MOCOS: variants seen among roughly 807,000 people sequenced by gnomAD.
MOCOS encodes molybdenum cofactor sulfurase.
A neutral mutation model predicts 83.6 loss-of-function variants in MOCOS; 86 were observed. The observed-to-expected ratio is 1.03, with a 90% CI of 0.86 to 1.23. The LOEUF (loss-of-function observed/expected upper bound fraction) is 1.23. Among genes scored for constraint, MOCOS ranks in the 50% most tolerant of loss-of-function variants. The probability of loss-of-function intolerance (pLI) is 0.00; values close to 1 mark genes in which losing one functional copy is unlikely to be tolerated. For synonymous variants in MOCOS, 445 were observed against 434.7 expected (o/e 1.02, Z -0.29); for missense variants, 1,120 against 1,126.9 (o/e 0.99, Z 0.09).
intron 10 of MOCOS, 150 bp from the exon 11 acceptor site, chr18:36,251,009 C>T: frequency 1.0e-6 from 1 of 967,710 alleles, no homozygotes; most frequent in Non-Finnish European, 1.5e-6. Context: ...CCTTGGAAAT[C>T]TCCTTGCAGC....
chr18:36,209,708 A>T (rs1263087764), intron 6 of MOCOS, among the ~76,000 whole-genome samples: 1 of 152,172 alleles, frequency 6.6e-6, no homozygotes, highest in Admixed American at 6.5e-5. Flanking sequence ...CATGTTGTGT[A>T]TATACCACAT....
Position 36,269,100 on chromosome 18 carries a change from T to G in MOCOS, c.*415T>G. 1 of 217,834 alleles carries G rather than the reference T, an allele frequency of 4.6e-6. No individual in the cohort carries two copies. Among genetic ancestry groups the G allele is most frequent in the South Asian group, 6.8e-5 (1 of 14,620 alleles). The allele number at this position is 217,834 out of a possible 1,614,324, so 13.5% of individuals were successfully genotyped here. On this transcript the variant is annotated 3_prime_UTR_variant, in exon 15 of 15. Coordinates refer to ENST00000261326, the MANE Select transcript of MOCOS (RefSeq NM_017947.4). ...AACCCGTTTGTAGTGAGGAAGGGAG[T>G]CTATGCCCAGTGATCCTGGGTATGA...
At chr18:36,248,417 C>T (rs530834869) in intron 9 of MOCOS, among the ~76,000 whole-genome samples, 2 of 152,138 alleles carry the variant, frequency 1.3e-5, no homozygotes, top group East Asian at 1.9e-4. Context: ...TGTTGTTTCC[C>T]TTGTTGTGCA....
intron 13 of MOCOS, among the ~76,000 whole-genome samples, chr18:36,263,808 A>T (rs1473341860): frequency 6.6e-6 from 1 of 152,202 alleles, no homozygotes; most frequent in East Asian, 1.9e-4. Context: ...AACACATTTT[A>T]AAAATACTAG....
chr18:36,241,528 G>T (rs1189734442), intron 9 of MOCOS, among the ~76,000 whole-genome samples: 1 of 152,198 alleles, frequency 6.6e-6, no homozygotes, highest in Non-Finnish European at 1.5e-5. Flanking sequence ...GAGTGATGGG[G>T]CTTTTCCAGG....
At chr18:36,268,511 G>A (rs1375710790) in intron 14 of MOCOS, 22 bp from the exon 15 acceptor site, 2 of 1,611,488 alleles carry the variant, frequency 1.2e-6, no homozygotes, top group Non-Finnish European at 8.5e-7. Context: ...CTTTTTTGTT[G>A]TTGTTGCTGT....
At chr18:36,233,384 T>C (rs991745215) in intron 9 of MOCOS, among the ~76,000 whole-genome samples, 2 of 152,228 alleles carry the variant, frequency 1.3e-5, no homozygotes, top group African/African-American at 2.4e-5. Flanking sequence ...TAGTATTCCA[T>C]GGTGTTTGTG....
At chr18:36,250,423 G>A (rs963565759) in intron 10 of MOCOS, among the ~76,000 whole-genome samples, 1 of 152,174 alleles carries the variant, frequency 6.6e-6, no homozygotes, top group African/African-American at 2.4e-5. Context: ...CTGGGTGATA[G>A]GCAGAGGATC....
chr18:36,202,004 T>C (rs2091416770), intron 4 of MOCOS, among the ~76,000 whole-genome samples: 1 of 152,108 alleles, frequency 6.6e-6, no homozygotes, highest in Non-Finnish European at 1.5e-5. Context: ...AGGGCATGAA[T>C]GGGCTGGGGG....
intron 9 of MOCOS, among the ~76,000 whole-genome samples, chr18:36,235,594 G>A (rs1429628468): frequency 1.5e-4 from 21 of 139,612 alleles, no homozygotes; most frequent in South Asian, 2.4e-4. Flanking sequence ...ATAAACATAC[G>A]TGTGCATGTG....
At chr18:36,257,797 A>G (rs778741765) in intron 12 of MOCOS, among the ~76,000 whole-genome samples, 2 of 152,228 alleles carry the variant, frequency 1.3e-5, no homozygotes, top group Non-Finnish European at 2.9e-5. Context: ...CACCCCTAAC[A>G]GCACTGTGAA....
chr18:36,252,260 C>T (rs1322164986), intron 11 of MOCOS, among the ~76,000 whole-genome samples: 1 of 152,088 alleles, frequency 6.6e-6, no homozygotes, highest in Non-Finnish European at 1.5e-5. Context: ...GTAGCTCACA[C>T]CTGTAATCCC....
intron 13 of MOCOS, among the ~76,000 whole-genome samples, chr18:36,264,874 CA>C (rs1480872242): frequency 6.6e-6 from 1 of 151,854 alleles, no homozygotes; most frequent in Non-Finnish European, 1.5e-5. Context: ...CAATTAAAAA[CA>C]AAAACAAAAT....
intron 14 of MOCOS, among the ~76,000 whole-genome samples, chr18:36,267,571 A>G (rs1160591950): frequency 6.6e-6 from 1 of 152,208 alleles, no homozygotes; most frequent in Non-Finnish European, 1.5e-5. Context: ...GTTTCACAGT[A>G]TAGACATTTG....
At chr18:36,219,920 T>C (rs2144921402) in intron 8 of MOCOS, 135 bp from the exon 9 acceptor site, 1 of 1,151,106 alleles carries the variant, frequency 8.7e-7, no homozygotes, top group East Asian at 2.4e-5. Flanking sequence ...TAGTTTCTTC[T>C]CTTCCTCCCT....
chr18:36,244,135 C>A (rs2091594351), intron 9 of MOCOS, among the ~76,000 whole-genome samples: 1 of 151,084 alleles, frequency 6.6e-6, no homozygotes, highest in African/African-American at 2.4e-5. Context: ...TTACTCTGAT[C>A]TTTGTTATTT....
intron 9 of MOCOS, among the ~76,000 whole-genome samples, chr18:36,240,587 TG>T (rs2091577852): frequency 6.6e-6 from 1 of 151,926 alleles, no homozygotes; most frequent in African/African-American, 2.4e-5. Flanking sequence ...GCTGTCTTTT[TG>T]TTTGTCTGTG....
chr18:36,192,287 A>C (rs993789470), intron 1 of MOCOS, among the ~76,000 whole-genome samples: 2 of 152,250 alleles, frequency 1.3e-5, no homozygotes, highest in Non-Finnish European at 2.9e-5. Flanking sequence ...TCAATATGCA[A>C]ACATCAGTTC....
chr18:36,249,186 TC>T (rs1463387689), intron 10 of MOCOS, among the ~76,000 whole-genome samples, 186 bp downstream of exon 10: 1 of 152,176 alleles, frequency 6.6e-6, no homozygotes, highest in Non-Finnish European at 1.5e-5. Flanking sequence ...CCAAGCATGC[TC>T]CCTTCTCAGG....
Sources: gnomAD v4.1 joint callset for allele counts (sites outside exome capture counted in the v4.1 genomes callset) on GRCh38, gnomAD v4.1.1 for gene constraint, MANE v1.5 for transcripts, NCBI Gene and HGNC (gene_info 2026-07-23, HGNC 2026-07-21) for gene names.